The following ZNF75A variants were observed in gnomAD, a reference collection of about 807,000 sequenced individuals.
ZNF75A encodes the protein zinc finger protein 75A.
ZNF75A carries 36 observed loss-of-function variants against 46.3 expected under a neutral mutation model. The observed-to-expected ratio is 0.78, with a 90% CI of 0.60 to 1.03. The LOEUF (loss-of-function observed/expected upper bound fraction) is 1.03. ZNF75A is among the 50% of genes least tolerant of loss of function. The pLI is 0.00. For synonymous variants in ZNF75A, 234 were observed against 189.9 expected, an observed-to-expected ratio of 1.23 and a Z score of -1.91; for missense variants, 595 against 551.3, an observed-to-expected ratio of 1.08 and a Z score of -0.79.
chr16:3,307,065 C>T (rs1224014154), intron 1 of ZNF75A: 1 of 151,898 alleles, frequency 6.6e-6, no homozygotes, highest in East Asian at 1.9e-4. Flanking sequence ...AATTTTCCTG[C>T]CTCAGCCTCC....
downstream of ZNF75A, among the ~76,000 whole-genome samples, chr16:3,320,514 G>C (rs1198956389): frequency 1.3e-5 from 2 of 152,156 alleles, no homozygotes; most frequent in African/African-American, 4.8e-5. Context: ...GACCACTTAA[G>C]ACCTCCCAAG....
At chr16:3,319,586 T>A (rs1463334878), downstream of ZNF75A, among the ~76,000 whole-genome samples, 1 of 152,208 alleles carries the variant, frequency 6.6e-6, no homozygotes, top group Non-Finnish European at 1.5e-5. Context: ...TGAAGGCCTA[T>A]GATGTGTCAG....
At chr16:3,319,425 G>T (rs1596404368), downstream of ZNF75A, among the ~76,000 whole-genome samples, 1 of 152,108 alleles carries the variant, frequency 6.6e-6, no homozygotes, top group Non-Finnish European at 1.5e-5. Flanking sequence ...TATACTAATT[G>T]TTTCTTAAGT....
chr16:3,319,051 A>G (rs1436180387), downstream of ZNF75A, among the ~76,000 whole-genome samples: 2 of 152,132 alleles, frequency 1.3e-5, no homozygotes, highest in Non-Finnish European at 2.9e-5. Context: ...ACTCAGGTGC[A>G]TTCCTTTTAG....
intron 2 of ZNF75A, among the ~76,000 whole-genome samples, chr16:3,310,318 C>T (rs749452199): frequency 1.2e-4 from 18 of 151,354 alleles, no homozygotes; most frequent in Non-Finnish European, 1.9e-4. Flanking sequence ...GGCTTGAACT[C>T]GGGAGGCAGA....
rs1439182797 is a variant in ZNF75A, at chr16:3,318,014, A to G, written c.*145A>G. 3 of 1,421,714 alleles carry G rather than the reference A, an allele frequency of 2.1e-6. No individual in the cohort carries two copies. Among genetic ancestry groups the G allele is most frequent in the Non-Finnish European group, 2.7e-6 (3 of 1,095,006 alleles). The allele number at this position is 1,421,714 out of a possible 1,614,324, so 88.1% of individuals were successfully genotyped here. On this transcript the variant is annotated 3_prime_UTR_variant, in exon 7 of 7. Transcript: ENST00000669516. ...ACATACATTTCACAGAAAATAATCA[A>G]GACTTGCTCTGCAGCCACTCAGTAG... is the stretch of plus-strand genomic sequence containing the variant.
At chr16:3,306,247 A>G (rs1352861409) in intron 1 of ZNF75A, 1 of 152,204 alleles carries the variant, frequency 6.6e-6, no homozygotes, top group Non-Finnish European at 1.5e-5. Flanking sequence ...AAGTCAGCAG[A>G]AAGTTTCACT....
At chr16:3,310,853 A>G (rs963518075) in intron 2 of ZNF75A, 3 of 985,338 alleles carry the variant, frequency 3.0e-6, no homozygotes, top group Admixed American at 6.2e-5. Flanking sequence ...GAGCCAGGGT[A>G]TGAACTTGGT....
chr16:3,310,696 G>A (rs1960701062), intron 2 of ZNF75A: 1 of 985,562 alleles, frequency 1.0e-6, no homozygotes. Flanking sequence ...ATAGAAAAAA[G>A]GGAAACAAAG....
downstream of ZNF75A, among the ~76,000 whole-genome samples, chr16:3,321,624 C>G (rs114800270): frequency 6.6e-6 from 1 of 152,102 alleles, no homozygotes; most frequent in African/African-American, 2.4e-5. Flanking sequence ...TGCCACCATG[C>G]CTGGGTTATT....
intron 5 of ZNF75A, chr16:3,314,926 A>G: frequency 1.0e-6 from 1 of 985,382 alleles, no homozygotes; most frequent in Non-Finnish European, 1.2e-6. Context: ...TTCTCAGTTT[A>G]CTGAGAATGA....
intron 2 of ZNF75A, among the ~76,000 whole-genome samples, chr16:3,310,036 G>C (rs1960624909): frequency 6.6e-6 from 1 of 151,976 alleles, no homozygotes; most frequent in Non-Finnish European, 1.5e-5. Context: ...TGAGGCTACA[G>C]TGAGTTATTA....
chr16:3,317,556 A>G lies in ZNF75A; in HGVS notation c.1301A>G (p.Gln434Arg). The G allele has an allele frequency of 6.2e-7, 1 of 1,614,174 alleles. No individual in the cohort carries two copies. ...GAAGAGAAACCCTATAAATGTCAAC[A>G]GTGTGATAAGAGGTTTAGATGGAGT... ...HTEEKPYKCQ[Q>R]CDKRFRWSSD... Residue 434 changes from glutamine to arginine, a missense_variant, in exon 7 of 7, where the codon CAG (glutamine) becomes CGG (arginine). Gln to Arg is a conservative substitution (Grantham distance 43). Coordinates refer to ENST00000669516, the MANE Select transcript of ZNF75A (RefSeq NM_001302109.2).
downstream of ZNF75A, chr16:3,322,981 G>A (rs1296503618): frequency 3.1e-6 from 3 of 973,834 alleles, no homozygotes; most frequent in African/African-American, 3.5e-5. Flanking sequence ...GAAAATGCTG[G>A]AATTTTTCCT....
Position 3,318,048 on chromosome 16 carries a change from G to C in ZNF75A, c.*179G>C. 7.2e-7 allele frequency: 1 copy of C among 1,389,600 alleles called. No individual in the cohort carries two copies. The highest frequency in any genetic ancestry group is 9.3e-7 in the Non-Finnish European group (1 of 1,077,804). 86.1% of individuals were successfully genotyped at this position (1,389,600 alleles called of 1,614,324 possible). A position where few individuals can be genotyped will look rare whatever the true frequency, so the allele number is the denominator to read the frequency against. Reference sequence around the variant, plus strand: ...CTGCAGCCACTCAGTAGTCTTCTGTGGTCACAGAAGTAAACATTGTTGGCT... The same window carrying C: ...CTGCAGCCACTCAGTAGTCTTCTGTCGTCACAGAAGTAAACATTGTTGGCT... On this transcript the variant is annotated 3_prime_UTR_variant, in exon 7 of 7. Coordinates refer to ENST00000669516, the MANE Select transcript of ZNF75A (RefSeq NM_001302109.2).
intron 4 of ZNF75A, 100 bp from the exon 5 acceptor site, chr16:3,312,949 T>G: frequency 7.1e-7 from 1 of 1,409,960 alleles, no homozygotes; most frequent in Non-Finnish European, 9.4e-7. Flanking sequence ...AAAAATCATG[T>G]TCTTTTAATT....
At chr16:3,315,673 A>C (rs1596399823) in intron 5 of ZNF75A, among the ~76,000 whole-genome samples, 1 of 152,274 alleles carries the variant, frequency 6.6e-6, no homozygotes, top group East Asian at 1.9e-4. Context: ...TAGCTTTCTA[A>C]CAGGTCCCCC....
downstream of ZNF75A, chr16:3,322,853 C>T (rs1046993236): frequency 1.4e-5 from 14 of 971,862 alleles, no homozygotes; most frequent in East Asian, 2.3e-4. Flanking sequence ...CGACTGCTCC[C>T]GGAGTCTTAG....
At chr16:3,314,404 C>G (rs1377708966) in intron 5 of ZNF75A, among the ~76,000 whole-genome samples, 1 of 152,176 alleles carries the variant, frequency 6.6e-6, no homozygotes, top group African/African-American at 2.4e-5. Context: ...CCCAGTTGAG[C>G]TGTGCTTTCC....
Sources: allele counts gnomAD v4.1 joint callset (sites outside exome capture counted in the v4.1 genomes callset), GRCh38; gene constraint gnomAD v4.1.1; transcripts MANE v1.5; gene names NCBI Gene and HGNC (gene_info 2026-07-23, HGNC 2026-07-21).